Variants in RNF175 observed in about 807,000 individuals in gnomAD.
RNF175 encodes the protein ring finger protein 175.
In RNF175, 38 loss-of-function variants were observed where a neutral mutation model predicts 50.0. The observed-to-expected ratio is 0.76, with a 90% CI of 0.59 to 1.00. The LOEUF is 1.00. RNF175 is among the 50% of genes least tolerant of loss of function. The pLI is 0.00. For missense variants in RNF175, 388 were observed against 409.6 expected, an observed-to-expected ratio of 0.95 and a Z score of 0.46; for synonymous variants, 155 against 146.1, an observed-to-expected ratio of 1.06 and a Z score of -0.44.
At chr4:153,735,179 C>T (rs542176374) in intron 3 of RNF175, among the ~76,000 whole-genome samples, 3 of 150,346 alleles carry the variant, frequency 2.0e-5, no homozygotes, top group Non-Finnish European at 3.0e-5. Context: ...AGATTCATTT[C>T]GAATTAATTT....
chr4:153,758,171 G>C (rs749885061), intron 1 of RNF175, among the ~76,000 whole-genome samples: 3 of 152,136 alleles, frequency 2.0e-5, no homozygotes, highest in Non-Finnish European at 2.9e-5. Context: ...ATAATAGGCT[G>C]GTCAGTAACT....
intron 6 of RNF175, among the ~76,000 whole-genome samples, chr4:153,719,128 C>T (rs1451366521): frequency 6.6e-6 from 1 of 152,086 alleles, no homozygotes; most frequent in Non-Finnish European, 1.5e-5. Context: ...CCGATAGGCC[C>T]CAGTGTGTGT....
At chr4:153,710,568 A>AT in intron 8 of RNF175, 79 bp from the exon 9 acceptor site, 1 of 1,350,412 alleles carries the variant, frequency 7.4e-7, no homozygotes, top group Non-Finnish European at 1.0e-6. Context: ...CAAATATAAT[A>AT]AACAATGTAA....
chr4:153,756,162 G>C (rs1347104583), intron 1 of RNF175, among the ~76,000 whole-genome samples: 2 of 152,106 alleles, frequency 1.3e-5, no homozygotes, highest in African/African-American at 4.8e-5. Flanking sequence ...AAGTAAGCTT[G>C]CCTCTGTCCT....
intron 8 of RNF175, among the ~76,000 whole-genome samples, chr4:153,712,269 G>A (rs1456103104): frequency 6.6e-6 from 1 of 152,120 alleles, no homozygotes; most frequent in African/African-American, 2.4e-5. Flanking sequence ...AGAGTGGAAT[G>A]TTTTCTGGCA....
At position 153,710,496 on chromosome 4, in the gene RNF175, C is replaced by A. The variant is rs1367408402; in HGVS notation, c.867-7G>T. 1 of 1,609,122 alleles carries A rather than the reference C, an allele frequency of 6.2e-7. No individual in the cohort carries two copies. The highest frequency in any genetic ancestry group is 8.5e-7 in the Non-Finnish European group (1 of 1,177,676). ...AAAATGTGTGCGCTCCCAGCTAAATCTCAGTTAAGGAGGTTGTTCTATATA... is the reference window on the plus strand; with the variant it reads ...AAAATGTGTGCGCTCCCAGCTAAATATCAGTTAAGGAGGTTGTTCTATATA... On this transcript the variant is annotated splice_region_variant and splice_polypyrimidine_tract_variant and intron_variant, in intron 8 of 8. Coordinates refer to ENST00000347063, the MANE Select transcript of RNF175 (RefSeq NM_173662.4).
intron 3 of RNF175, among the ~76,000 whole-genome samples, chr4:153,746,817 C>A (rs2127154222): frequency 6.6e-6 from 1 of 152,368 alleles, no homozygotes. Flanking sequence ...CTTAGGCCCT[C>A]TGGTTGTCTG....
At chr4:153,738,807 C>T (rs1216580298) in intron 3 of RNF175, among the ~76,000 whole-genome samples, 1 of 152,206 alleles carries the variant, frequency 6.6e-6, no homozygotes, top group Non-Finnish European at 1.5e-5. Flanking sequence ...CTCCCTCTCT[C>T]TCTGCCTTCT....
chr4:153,729,714 G>A, intron 3 of RNF175: 1 of 985,016 alleles, frequency 1.0e-6, no homozygotes, highest in Non-Finnish European at 1.2e-6. Context: ...ATGATCTGAA[G>A]TCTTCTTAGA....
chr4:153,733,439 G>A (rs752633015), intron 3 of RNF175, among the ~76,000 whole-genome samples: 10 of 152,066 alleles, frequency 6.6e-5, no homozygotes, highest in Non-Finnish European at 1.3e-4. Context: ...GCTCCCACTA[G>A]CTGCTATTTA....
intron 4 of RNF175, 28 bp downstream of exon 4, chr4:153,728,179 C>A: frequency 6.5e-7 from 1 of 1,532,778 alleles, no homozygotes; most frequent in South Asian, 1.3e-5. Flanking sequence ...AAAGGGGCTC[C>A]TGGGGAAGGA....
Position 153,748,658 on chromosome 4 carries a change from C to A in RNF175, c.233G>T (p.Gly78Val). The change falls in exon 3 of 9, where the codon GGC becomes GTC. Residue 78 changes from glycine (G) to valine (V), a missense_variant. Coordinates refer to ENST00000347063, the MANE Select transcript of RNF175 (RefSeq NM_173662.4). Reference sequence around the variant, plus strand: ...GGGATGACTCACATTGTAGGATCGGCCATGCCTCTGTCTCCACTGAACCAG... The same window carrying A: ...GGGATGACTCACATTGTAGGATCGGACATGCCTCTGTCTCCACTGAACCAG... ...IVLVQWRQRH[G>V]RSYNLVTLLQ... 6.3e-7 allele frequency: 1 copy of A among 1,595,200 alleles called. No individual in the cohort carries two copies.
Position 153,744,873 on chromosome 4 carries a change from A to G in RNF175, c.246+3772T>C, listed in dbSNP as rs1739886596. Among the ~76,000 whole-genome samples, 3 of 152,238 alleles carry G rather than the reference A, an allele frequency of 2.0e-5. No individual in the cohort carries two copies. In the East Asian group the frequency reaches 5.8e-4, roughly 29 times the overall value. On this transcript the variant is annotated intron_variant, in intron 3 of 8. Transcript: ENST00000347063. ...ACAACGGTGACATGGCAGAAAATGGATACATTTGCTTTATAACAATAAAAT... is the reference window on the plus strand; with the variant it reads ...ACAACGGTGACATGGCAGAAAATGGGTACATTTGCTTTATAACAATAAAAT...
chr4:153,742,715 AAAAAATAATTACCTCTC>A (rs1438725908), intron 3 of RNF175, among the ~76,000 whole-genome samples: 2 of 152,138 alleles, frequency 1.3e-5, no homozygotes, highest in Non-Finnish European at 2.9e-5. Flanking sequence ...CAAAGGGGAT[AAAAAATAATTACCTCTC>A]AAGGTACCTG....
chr4:153,725,124 G>A (rs1227450509), intron 4 of RNF175, among the ~76,000 whole-genome samples: 13 of 140,248 alleles, frequency 9.3e-5, no homozygotes, highest in African/African-American at 3.2e-4. Flanking sequence ...GGGGTGAACT[G>A]CGTGGGGGAG....
At chr4:153,727,348 A>G (rs1738760447) in intron 4 of RNF175, among the ~76,000 whole-genome samples, 1 of 152,088 alleles carries the variant, frequency 6.6e-6, no homozygotes, top group Admixed American at 6.5e-5. Flanking sequence ...GAATTCATGT[A>G]TTTGGATATC....
chr4:153,745,857 A>G (rs369593719), intron 3 of RNF175: 4 of 152,276 alleles, frequency 2.6e-5, no homozygotes, highest in African/African-American at 9.6e-5. Context: ...CTCATGACCT[A>G]ATTGCTTCTC....
At chr4:153,721,636 A>G (rs958900333) in intron 5 of RNF175, among the ~76,000 whole-genome samples, 1 of 152,178 alleles carries the variant, frequency 6.6e-6, no homozygotes, top group African/African-American at 2.4e-5. Flanking sequence ...GCTTAATACA[A>G]TGATAATCAT....
In RNF175 at chr4:153,715,749, C is replaced by G. The variant is rs1047006612; in HGVS notation, c.631-87G>C. Reference sequence around the variant, plus strand: ...AGGAAGCCACTGCCAGGCACTGGGACAGGCAGCCCTTGGCACATAGAATCT... The same window carrying G: ...AGGAAGCCACTGCCAGGCACTGGGAGAGGCAGCCCTTGGCACATAGAATCT... On this transcript the variant is annotated intron_variant, in intron 6 of 8. Coordinates refer to ENST00000347063, the MANE Select transcript of RNF175 (RefSeq NM_173662.4). The G allele has an allele frequency of 9.2e-6, 13 of 1,412,754 alleles. No homozygotes were observed. The South Asian group carries it at 1.4e-4, about 16-fold the overall frequency. 87.5% of individuals were successfully genotyped at this position (1,412,754 alleles called of 1,614,324 possible). A position where few individuals can be genotyped will look rare whatever the true frequency, so the allele number is the denominator to read the frequency against.
Sources: allele counts gnomAD v4.1 joint callset (sites outside exome capture counted in the v4.1 genomes callset), GRCh38; gene constraint gnomAD v4.1.1; transcripts MANE v1.5; gene names NCBI Gene and HGNC (gene_info 2026-07-23, HGNC 2026-07-21).